The following EFCAB9 variants were observed in gnomAD, a reference collection of about 807,000 sequenced individuals.
EFCAB9 encodes the protein EF-hand calcium binding domain 9.
EFCAB9 carries 16 observed loss-of-function variants against 15.6 expected under a neutral mutation model. The observed-to-expected ratio is 1.03, with a 90% CI of 0.69 to 1.56. The LOEUF (loss-of-function observed/expected upper bound fraction) is 1.56. Among genes scored for constraint, EFCAB9 ranks in the 40% most tolerant of loss-of-function variants. The pLI, the probability that EFCAB9 is intolerant of heterozygous loss-of-function variation, is 0.00. For synonymous variants in EFCAB9, 76 were observed against 85.4 expected, an observed-to-expected ratio of 0.89 and a Z score of 0.61; for missense variants, 208 against 235.4, an observed-to-expected ratio of 0.88 and a Z score of 0.76.
At chr5:172,198,884 G>A (rs1362919534) in intron 1 of EFCAB9, among the ~76,000 whole-genome samples, 1 of 152,192 alleles carries the variant, frequency 6.6e-6, no homozygotes, top group Non-Finnish European at 1.5e-5. Flanking sequence ...AAACTGCTGG[G>A]ATTACAGGCA....
At chr5:172,196,389 C>CT (rs557468567) in intron 1 of EFCAB9, among the ~76,000 whole-genome samples, 180 of 142,690 alleles carry the variant, frequency 1.3e-3, no homozygotes, top group Admixed American at 1.8e-3. Context: ...GGAGACATTT[C>CT]TTTTTTTTTT....
At chr5:172,194,821 A>C (rs1340504913) in intron 1 of EFCAB9, among the ~76,000 whole-genome samples, 1 of 152,040 alleles carries the variant, frequency 6.6e-6, no homozygotes, top group Non-Finnish European at 1.5e-5. Context: ...CTGGCTCCAC[A>C]CCCATTATTC....
At chr5:172,202,332 C>CA (rs10690291) in intron 3 of EFCAB9, among the ~76,000 whole-genome samples, 1,678 of 73,154 alleles carry the variant, frequency 0.023, 201 homozygotes, top group African/African-American at 0.093. Context: ...GACTTCATCT[C>CA]AAAAAAAAAA....
At chr5:172,195,824 T>C (rs944329309) in intron 1 of EFCAB9, among the ~76,000 whole-genome samples, 17 of 149,274 alleles carry the variant, frequency 1.1e-4, no homozygotes, top group South Asian at 6.2e-4. Flanking sequence ...TATTTATTTA[T>C]TGGGACGGAG....
chr5:172,200,857 T>A, intron 3 of EFCAB9, 115 bp downstream of exon 3: 1 of 1,037,440 alleles, frequency 9.6e-7, no homozygotes, highest in South Asian at 1.7e-5. Context: ...AAAAACCTAC[T>A]CAAATAAGCA....
At chr5:172,200,091 G>A (rs1370003668) in intron 2 of EFCAB9, among the ~76,000 whole-genome samples, 2 of 151,906 alleles carry the variant, frequency 1.3e-5, no homozygotes, top group African/African-American at 4.8e-5. Flanking sequence ...GCTAATTTCT[G>A]TATTTTTAGT....
At chr5:172,198,828 C>G (rs923524304) in intron 1 of EFCAB9, among the ~76,000 whole-genome samples, 2 of 152,182 alleles carry the variant, frequency 1.3e-5, no homozygotes, top group Admixed American at 6.5e-5. Context: ...ATTGGCTAGG[C>G]TGGTCTCAAA....
At chr5:172,201,161 AGGCT>A (rs1342596466) in intron 3 of EFCAB9, among the ~76,000 whole-genome samples, 1 of 152,124 alleles carries the variant, frequency 6.6e-6, no homozygotes, top group Non-Finnish European at 1.5e-5. Context: ...GGATCACCTG[AGGCT>A]GGGAATTTGA....
chr5:172,195,387 G>GTT (rs1167501675), intron 1 of EFCAB9, among the ~76,000 whole-genome samples: 2 of 152,054 alleles, frequency 1.3e-5, no homozygotes, highest in African/African-American at 4.8e-5. Context: ...ATGATTTTAA[G>GTT]GAGTTCATTC....
At chr5:172,199,343 T>C (rs1187444474) in intron 1 of EFCAB9, 40 bp from the exon 2 acceptor site, 9 of 1,531,308 alleles carry the variant, frequency 5.9e-6, no homozygotes, top group African/African-American at 1.4e-5. Context: ...TTTGGAACTA[T>C]ATCCAAATAA....
At chr5:172,200,110 G>A (rs1052572151) in intron 2 of EFCAB9, among the ~76,000 whole-genome samples, 11 of 151,670 alleles carry the variant, frequency 7.3e-5, no homozygotes, top group African/African-American at 2.7e-4. Context: ...GTAGAGATGG[G>A]GTTTCACCAT....
chr5:172,199,258 T>C (rs1771215712), intron 1 of EFCAB9, 125 bp from the exon 2 acceptor site: 3 of 1,226,166 alleles, frequency 2.4e-6, no homozygotes, highest in African/African-American at 3.1e-5. Flanking sequence ...AGAAACAAAA[T>C]ATTATCATCA....
rs933991263 is a variant in EFCAB9 at position 172,194,463 on chromosome 5, G to A, written c.136+155G>A. On this transcript the variant is annotated intron_variant, in intron 1 of 3. Coordinates refer to ENST00000398186, the MANE Select transcript of EFCAB9 (RefSeq NM_001171183.2). ...TGCCCAGGCTGGAGTACGATGGCGC[G>A]ATCTCAGCTCACTGCAATCTCCGCC... is the stretch of plus-strand genomic sequence containing the variant. Among the ~76,000 whole-genome samples, 8 of 151,626 alleles carry A rather than the reference G, an allele frequency of 5.3e-5. No individual in the cohort carries two copies. The East Asian group carries it at 1.4e-3, about 26-fold the overall frequency.
intron 1 of EFCAB9, among the ~76,000 whole-genome samples, chr5:172,198,493 T>C (rs1036603258): frequency 2.0e-5 from 3 of 152,012 alleles, no homozygotes; most frequent in Non-Finnish European, 4.4e-5. Context: ...AAAAAATAAA[T>C]AAAAAATAAA....
Position 172,203,425 on chromosome 5 carries a change from C to A in EFCAB9, c.*80C>A. On this transcript the variant is annotated 3_prime_UTR_variant, in exon 4 of 4. Coordinates refer to ENST00000398186, the MANE Select transcript of EFCAB9 (RefSeq NM_001171183.2). ...ACATTGATGAAGACTGTTAACATGT[C>A]TAAAAATAAATTCAGAGCATCAAAG... 1 of 1,421,992 alleles carries A rather than the reference C, an allele frequency of 7.0e-7. No individual in the cohort carries two copies. Among genetic ancestry groups the A allele is most frequent in the Non-Finnish European group, 9.2e-7 (1 of 1,086,054 alleles). The allele number at this position is 1,421,992 out of a possible 1,614,324, so 88.1% of individuals were successfully genotyped here.
At chr5:172,197,603 G>A (rs4868150) in intron 1 of EFCAB9, among the ~76,000 whole-genome samples, 7,821 of 152,250 alleles carry the variant, frequency 0.051, 270 homozygotes, top group Non-Finnish European at 0.081. Context: ...ATTGATATCT[G>A]AGACTTACTA....
chr5:172,194,297 A>G lies in EFCAB9; in HGVS notation c.125A>G (p.Asn42Ser). 2.0e-6 allele frequency: 3 copies of G among 1,537,946 alleles called. No individual in the cohort carries two copies. Among genetic ancestry groups the G allele is most frequent in the Non-Finnish European group, 2.6e-6 (3 of 1,147,072 alleles). The change falls in exon 1 of 4, where the codon AAC (asparagine) becomes AGC (serine). Residue 42 changes from asparagine (N) to serine (S), a missense_variant. Transcript: ENST00000398186. Reference sequence around the variant, plus strand: ...CATATTCTGGACGTGCACGGCAAGAACACCTTGAATGGTCAGTACTTTCAG... The same window carrying G: ...CATATTCTGGACGTGCACGGCAAGAGCACCTTGAATGGTCAGTACTTTCAG... The part of the protein sequence containing the change: ...YFHILDVHGK[N>S]TLNDVLFYHF...
chr5:172,195,799 TTTTA>T (rs143327587), intron 1 of EFCAB9, among the ~76,000 whole-genome samples: 9,655 of 151,824 alleles, frequency 0.064, 986 homozygotes, highest in African/African-American at 0.22. Context: ...CAAAACAGTC[TTTTA>T]TTTATTTATT....
intron 1 of EFCAB9, among the ~76,000 whole-genome samples, chr5:172,197,996 A>G (rs1185945090): frequency 6.6e-6 from 1 of 152,184 alleles, no homozygotes; most frequent in African/African-American, 2.4e-5. Context: ...AGCTAGACCT[A>G]GAGCACTCAT....
Sources: gnomAD v4.1 joint callset for allele counts (sites outside exome capture counted in the v4.1 genomes callset) on GRCh38, gnomAD v4.1.1 for gene constraint, MANE v1.5 for transcripts, NCBI Gene and HGNC (gene_info 2026-07-23, HGNC 2026-07-21) for gene names.